The following RUNX1T1 variants were observed in gnomAD, a reference collection of about 807,000 sequenced individuals.
RUNX1T1 encodes RUNX1 partner transcriptional co-repressor 1.
A neutral mutation model predicts 62.8 loss-of-function variants in RUNX1T1; 4 were observed. That is an observed-to-expected ratio of 0.06 (90% CI 0.03 to 0.15). The LOEUF (loss-of-function observed/expected upper bound fraction) is 0.15. RUNX1T1 is among the 10% of genes least tolerant of loss of function. The pLI is 1.00. For synonymous variants in RUNX1T1, 291 were observed against 286.0 expected, an observed-to-expected ratio of 1.02 and a Z score of -0.18; for missense variants, 508 against 754.3, an observed-to-expected ratio of 0.67 and a Z score of 3.82.
At chr8:92,000,141 G>A (rs894754) in intron 5 of RUNX1T1, among the ~76,000 whole-genome samples, 36,948 of 151,662 alleles carry the variant, frequency 0.24, 4,853 homozygotes, top group African/African-American at 0.34. Flanking sequence ...CCCCGTCTCT[G>A]GTAAAAATAC....
chr8:92,062,940 G>A, exon 1 of RUNX1T1: 3 of 1,267,414 alleles, frequency 2.4e-6, no homozygotes, highest in Non-Finnish European at 3.0e-6. Context: ...AGAATGATAA[G>A]CTAAATGCCG....
intron 9 of RUNX1T1, among the ~76,000 whole-genome samples, chr8:91,975,484 C>T (rs1241766273): frequency 2.7e-5 from 4 of 146,266 alleles, no homozygotes; most frequent in Non-Finnish European, 1.5e-5. Flanking sequence ...ATGTTGGTTT[C>T]GTTTTTTTTT....
At chr8:92,096,530 C>T (rs1162372207) in intron 1 of RUNX1T1, among the ~76,000 whole-genome samples, 1 of 152,188 alleles carries the variant, frequency 6.6e-6, no homozygotes, top group African/African-American at 2.4e-5. Context: ...ATCTGATCAG[C>T]TCCTTAATGG....
chr8:92,091,820 C>T (rs1049616963), intron 1 of RUNX1T1, among the ~76,000 whole-genome samples: 4 of 152,160 alleles, frequency 2.6e-5, no homozygotes, highest in East Asian at 1.9e-4. Flanking sequence ...TACATGTAAT[C>T]GCAAATACTC....
intron 2 of RUNX1T1, among the ~76,000 whole-genome samples, chr8:92,068,174 G>C (rs963213830): frequency 1.2e-4 from 18 of 151,476 alleles, no homozygotes; most frequent in African/African-American, 4.1e-4. Flanking sequence ...ATGTAAATCT[G>C]CAAATAAGTT....
At chr8:91,958,342 T>C (rs988010670), downstream of RUNX1T1, 2 of 195,392 alleles carry the variant, frequency 1.0e-5, no homozygotes, top group African/African-American at 2.3e-5. Flanking sequence ...TTGCTGAACA[T>C]GTTTAACCTG....
intron 1 of RUNX1T1, among the ~76,000 whole-genome samples, chr8:92,089,851 T>C (rs900544876): frequency 3.5e-5 from 5 of 143,736 alleles, no homozygotes; most frequent in African/African-American, 5.2e-5. Flanking sequence ...ACTGGAATGA[T>C]AGTAATATTC....
rs541548339 is a variant in RUNX1T1 at position 92,009,703 on chromosome 8, A to C, written c.477+1299T>G. 3.3e-5 allele frequency: 5 copies of C among 152,028 alleles called. No homozygotes were observed. In the East Asian group the frequency reaches 9.7e-4, roughly 29 times the overall value. The allele number at this position is 152,028 out of a possible 1,614,324, so 9.4% of individuals were successfully genotyped here. A position where few individuals can be genotyped will look rare whatever the true frequency, so the allele number is the denominator to read the frequency against. On this transcript the variant is annotated intron_variant, in intron 4 of 10. Coordinates refer to ENST00000396218, the Ensembl canonical transcript of RUNX1T1. ...GAAAACAACGCTTTCTGAGAAAGGC[A>C]AAGATTCTAGTCTCAACAAACTTGT... is the stretch of plus-strand genomic sequence containing the variant.
At chr8:91,995,114 A>G (rs939170974) in intron 5 of RUNX1T1, among the ~76,000 whole-genome samples, 10 of 152,190 alleles carry the variant, frequency 6.6e-5, no homozygotes, top group Non-Finnish European at 1.3e-4. Flanking sequence ...TTTCTAAATA[A>G]TGAAACATCT....
In RUNX1T1 at chr8:92,003,583, T is replaced by C. The variant is rs141777472; in HGVS notation, c.659+1533A>G. On this transcript the variant is annotated intron_variant, in intron 5 of 10. Coordinates refer to ENST00000396218, the Ensembl canonical transcript of RUNX1T1. ...CTAAATAAATTTCCTTCTTCCAATT[T>C]TCCATCGAGTCTCTCCTTCATTCTT... Among the ~76,000 whole-genome samples, 8 of 152,282 alleles carry C rather than the reference T, an allele frequency of 5.3e-5. No individual in the cohort carries two copies. In the East Asian group the frequency reaches 1.5e-3, roughly 29 times the overall value.
upstream of RUNX1T1, among the ~76,000 whole-genome samples, chr8:92,065,637 G>GT (rs752376408): frequency 2.6e-5 from 4 of 152,276 alleles, no homozygotes; most frequent in East Asian, 7.7e-4. Flanking sequence ...TGATTCCAAG[G>GT]TATTTTTCAC....
chr8:92,007,987 AG>A (rs761839331), intron 4 of RUNX1T1, among the ~76,000 whole-genome samples: 80 of 150,270 alleles, frequency 5.3e-4, no homozygotes, highest in Non-Finnish European at 1.1e-3. Context: ...AAAAAAAAAA[AG>A]AAAGAAAGAA....
exon 6 of RUNX1T1, chr8:91,991,760 A>G: frequency 1.2e-6 from 2 of 1,614,084 alleles, no homozygotes; most frequent in Non-Finnish European, 1.7e-6. Flanking sequence ...GGGTAGGGTG[A>G]GGCAGGCCAT....
chr8:91,960,391 G>T (rs1386063493), exon 11 of RUNX1T1: 9 of 1,614,064 alleles, frequency 5.6e-6, no homozygotes, highest in Admixed American at 1.7e-5. Context: ...TGCTGGGCCT[G>T]CAGGGTCTGT....
At chr8:92,059,688 A>G (rs1332037764) in intron 1 of RUNX1T1, among the ~76,000 whole-genome samples, 1 of 152,226 alleles carries the variant, frequency 6.6e-6, no homozygotes, top group African/African-American at 2.4e-5. Flanking sequence ...AAAATATCAC[A>G]TGATGTGGCC....
intron 1 of RUNX1T1, among the ~76,000 whole-genome samples, chr8:92,028,790 T>C (rs181118470): frequency 6.6e-6 from 1 of 152,268 alleles, no homozygotes; most frequent in African/African-American, 2.4e-5. Context: ...ATGCATGTTA[T>C]CACAAGGGCC....
intron 10 of RUNX1T1, among the ~76,000 whole-genome samples, chr8:91,964,084 C>A (rs1335420128): frequency 2.0e-5 from 3 of 152,166 alleles, no homozygotes; most frequent in African/African-American, 4.8e-5. Context: ...TGTGGCTGAA[C>A]ACGAACCTCC....
At chr8:92,094,002 T>C (rs889726064) in intron 1 of RUNX1T1, among the ~76,000 whole-genome samples, 2 of 152,214 alleles carry the variant, frequency 1.3e-5, no homozygotes, top group Non-Finnish European at 2.9e-5. Flanking sequence ...TCCTTTTCCA[T>C]TCTGTCTGGG....
chr8:92,089,040 C>T (rs1363908908), intron 1 of RUNX1T1, among the ~76,000 whole-genome samples: 4 of 152,138 alleles, frequency 2.6e-5, no homozygotes, highest in Non-Finnish European at 2.9e-5. Context: ...CCTCTGACAT[C>T]CATTTCTAAT....
Sources: allele counts gnomAD v4.1 joint callset (sites outside exome capture counted in the v4.1 genomes callset), GRCh38; gene constraint gnomAD v4.1.1; transcripts MANE v1.5; gene names NCBI Gene and HGNC (gene_info 2026-07-23, HGNC 2026-07-21).